APOD: variants seen among roughly 807,000 people sequenced by gnomAD.
APOD encodes apolipoprotein D, also known as apo-D.
A neutral mutation model predicts 20.4 loss-of-function variants in APOD; 22 were observed. The observed-to-expected ratio is 1.08, with a 90% CI of 0.77 to 1.54. APOD has a LOEUF of 1.54. APOD is among the 40% of genes most tolerant of loss of function. The probability of loss-of-function intolerance (pLI) is 0.00; values close to 1 mark genes in which losing one functional copy is unlikely to be tolerated. For synonymous variants in APOD, 97 were observed against 92.4 expected (o/e 1.05, Z -0.29); for missense variants, 223 against 229.6 (o/e 0.97, Z 0.19).
chr3:195,579,502 G>C lies in APOD; in HGVS notation c.-34-7C>G, dbSNP rs1452637009. 6.2e-7 allele frequency: 1 copy of C among 1,604,844 alleles called. No individual in the cohort carries two copies. The highest frequency in any genetic ancestry group is 8.5e-7 in the Non-Finnish European group (1 of 1,179,330). On this transcript the variant is annotated splice_region_variant and splice_polypyrimidine_tract_variant and intron_variant, in intron 1 of 4. Coordinates refer to ENST00000343267, the MANE Select transcript of APOD (RefSeq NM_001647.4). Reference sequence around the variant, plus strand: ...CTGGAGAAGGGACCTGGAGCTGCGGGAACGCAAAGCAGCTGGGGTTGTCAT... The same window carrying C: ...CTGGAGAAGGGACCTGGAGCTGCGGCAACGCAAAGCAGCTGGGGTTGTCAT...
chr3:195,575,405 C>T (rs918838503), intron 2 of APOD, among the ~76,000 whole-genome samples: 3 of 152,132 alleles, frequency 2.0e-5, no homozygotes, highest in Admixed American at 1.3e-4. Context: ...AAGGTTAGGG[C>T]GTGGACACCT....
intron 1 of APOD, among the ~76,000 whole-genome samples, chr3:195,581,921 T>C (rs1720345122): frequency 6.6e-6 from 1 of 152,132 alleles, no homozygotes; most frequent in Non-Finnish European, 1.5e-5. Flanking sequence ...AAGCCTGTAA[T>C]CCCATGGGAG....
At chr3:195,573,455 G>A (rs1231121627) in intron 3 of APOD, among the ~76,000 whole-genome samples, 1 of 152,184 alleles carries the variant, frequency 6.6e-6, no homozygotes, top group Non-Finnish European at 1.5e-5. Flanking sequence ...GCCCAGAGAT[G>A]GGATGAACTG....
At chr3:195,579,812 C>T (rs1343318809) in intron 1 of APOD, among the ~76,000 whole-genome samples, 1 of 152,192 alleles carries the variant, frequency 6.6e-6, no homozygotes, top group Non-Finnish European at 1.5e-5. Flanking sequence ...CAGAATCACC[C>T]ACGGACCTCA....
intron 3 of APOD, among the ~76,000 whole-genome samples, chr3:195,571,981 A>G (rs1451181747): frequency 6.6e-6 from 1 of 152,116 alleles, no homozygotes; most frequent in Non-Finnish European, 1.5e-5. Flanking sequence ...GGGTTTCACC[A>G]TGTTAGCCAG....
chr3:195,573,341 A>T (rs1175360588), intron 3 of APOD, among the ~76,000 whole-genome samples: 1 of 152,200 alleles, frequency 6.6e-6, no homozygotes, highest in Non-Finnish European at 1.5e-5. Flanking sequence ...CAGTAATAGA[A>T]ATGTACACTT....
At position 195,573,835 on chromosome 3, in the gene APOD, C is replaced by A. The variant is rs1250173122; in HGVS notation, c.245+15G>T. The A allele has an allele frequency of 6.2e-7, 1 of 1,613,208 alleles. No individual in the cohort carries two copies. The highest frequency in any genetic ancestry group is 8.5e-7 in the Non-Finnish European group (1 of 1,179,540). Reference sequence around the variant, plus strand: ...CACTCCGCAGGCCTGGCCCCGGACGCCCACAGCCACTCACCTCAACTCCTG... The same window carrying A: ...CACTCCGCAGGCCTGGCCCCGGACGACCACAGCCACTCACCTCAACTCCTG... On this transcript the variant is annotated intron_variant, in intron 3 of 4. Coordinates refer to ENST00000343267, the MANE Select transcript of APOD (RefSeq NM_001647.4).
chr3:195,570,981 C>T (rs1030873217), intron 4 of APOD: 13 of 421,624 alleles, frequency 3.1e-5, no homozygotes, highest in Non-Finnish European at 5.3e-5. Flanking sequence ...AGCCCACACC[C>T]GGTGTGCACC....
At chr3:195,575,710 C>T (rs1025887549) in intron 2 of APOD, among the ~76,000 whole-genome samples, 1 of 152,116 alleles carries the variant, frequency 6.6e-6, no homozygotes, top group Non-Finnish European at 1.5e-5. Flanking sequence ...TCACTGCAAC[C>T]TCTGCCTCCC....
At position 195,571,304 on chromosome 3, in the gene APOD, C is replaced by A; in HGVS notation, c.307G>T (p.Ala103Ser). ...EATPVNLTEP[A>S]KLEVKFSWFM... is the part of the protein sequence containing the mutation. ...CAGGAAAACTTAACTTCCAGCTTGGCAGGCTCTGTGAGGTTAACTGGGGTG... is the reference window on the plus strand; with the variant it reads ...CAGGAAAACTTAACTTCCAGCTTGGAAGGCTCTGTGAGGTTAACTGGGGTG... Residue 103 changes from alanine (A) to serine (S), a missense_variant, in exon 4 of 5, where the codon GCC (alanine) becomes TCC (serine). Physicochemically the swap from Ala to Ser is moderately conservative, Grantham distance 99. Transcript: ENST00000343267. 6.2e-7 allele frequency: 1 copy of A among 1,614,102 alleles called. No individual in the cohort carries two copies. Among genetic ancestry groups the A allele is most frequent in the African/African-American group, 1.3e-5 (1 of 75,008 alleles).
intron 3 of APOD, among the ~76,000 whole-genome samples, chr3:195,572,348 A>C (rs1720175604): frequency 6.6e-6 from 1 of 152,242 alleles, no homozygotes; most frequent in Non-Finnish European, 1.5e-5. Flanking sequence ...AGTGATTCTC[A>C]GGTATGCCCA....
intron 1 of APOD, among the ~76,000 whole-genome samples, chr3:195,581,131 G>A (rs1467071918): frequency 6.6e-6 from 1 of 152,120 alleles, no homozygotes; most frequent in African/African-American, 2.4e-5. Context: ...ATAATCAATA[G>A]CTTTTTTTCC....
chr3:195,580,365 C>T (rs1437264824), intron 1 of APOD, among the ~76,000 whole-genome samples: 1 of 124,328 alleles, frequency 8.0e-6, no homozygotes, highest in Non-Finnish European at 1.8e-5. Flanking sequence ...TTCTTTCTTT[C>T]TTCTTTTTTT....
chr3:195,574,030 C>T, intron 2 of APOD, 59 bp from the exon 3 acceptor site: 1 of 1,598,560 alleles, frequency 6.3e-7, no homozygotes, highest in Non-Finnish European at 8.5e-7. Flanking sequence ...GCAACTTCTT[C>T]CCCATTGTCG....
At chr3:195,579,108 T>C (rs1720292449) in intron 2 of APOD, among the ~76,000 whole-genome samples, 1 of 152,190 alleles carries the variant, frequency 6.6e-6, no homozygotes, top group Non-Finnish European at 1.5e-5. Context: ...ATTGCTTCTG[T>C]GCTGTCTCCG....
chr3:195,572,860 A>T (rs1720189238), intron 3 of APOD, among the ~76,000 whole-genome samples: 1 of 141,320 alleles, frequency 7.1e-6, no homozygotes, highest in Non-Finnish European at 1.5e-5. Context: ...AAATACAATT[A>T]AAAAAAAAAA....
rs777651730 is a variant in APOD, at chr3:195,573,848, A to T, written c.245+2T>A. 2 of 1,613,672 alleles carry T rather than the reference A, an allele frequency of 1.2e-6. No homozygotes were observed. The highest frequency in any genetic ancestry group is 2.2e-5 in the East Asian group (1 of 44,860). ...TGGCCCCGGACGCCCACAGCCACTC[A>T]CCTCAACTCCTGGTTTAACACTTTG... On this transcript the variant is annotated splice_donor_variant, in intron 3 of 4. Transcript: ENST00000343267. LOFTEE classifies it high-confidence loss of function.
At chr3:195,582,932 C>CA (rs71777098) in intron 1 of APOD, 5,058 of 100,482 alleles carry the variant, frequency 0.05, 188 homozygotes, top group African/African-American at 0.12. Flanking sequence ...GACTCCGTCT[C>CA]AAAAAAAAAA....
At chr3:195,574,155 C>T (rs746327848) in intron 2 of APOD, among the ~76,000 whole-genome samples, 184 bp from the exon 3 acceptor site, 14 of 152,084 alleles carry the variant, frequency 9.2e-5, no homozygotes, top group African/African-American at 2.2e-4. Context: ...ATGGGATGTG[C>T]GGGCAGGGGG....
Sources: gnomAD v4.1 joint callset for allele counts (sites outside exome capture counted in the v4.1 genomes callset) on GRCh38, gnomAD v4.1.1 for gene constraint, MANE v1.5 for transcripts, NCBI Gene and HGNC (gene_info 2026-07-23, HGNC 2026-07-21) for gene names.